The following PHACTR1 variants were observed in gnomAD, a reference collection of about 807,000 sequenced individuals.
PHACTR1 encodes phosphatase and actin regulator 1, also known as RPEL repeat containing 1.
Under a neutral mutation model 69.2 loss-of-function variants are expected in PHACTR1, and 16 were observed. That is an observed-to-expected ratio of 0.23 (90% confidence interval 0.16 to 0.35). The LOEUF is 0.35. Among genes scored for constraint, PHACTR1 ranks in the 10% least tolerant of loss-of-function variants. PHACTR1 has a pLI of 1.00. For missense variants in PHACTR1, 510 were observed against 734.7 expected (o/e 0.69, Z 3.54); for synonymous variants, 312 against 284.5 (o/e 1.10, Z -0.97).
In PHACTR1 at chr6:12,940,266, T is replaced by G. The variant is rs1329988405; in HGVS notation, c.251-113099T>G. Among the ~76,000 whole-genome samples, 3 of 152,208 alleles carry G rather than the reference T, an allele frequency of 2.0e-5. No individual in the cohort carries two copies. The East Asian group carries it at 5.8e-4, about 29-fold the overall frequency. ...ATTCCTATTGCAATTAAATAACTCA[T>G]GGTGTGGGATGGCATTGTGAAGTCT... is the stretch of plus-strand genomic sequence containing the variant. On this transcript the variant is annotated intron_variant, in intron 4 of 14. Transcript: ENST00000332995.
intron 10 of PHACTR1, chr6:13,272,141 C>T (rs1777867744): frequency 6.6e-6 from 1 of 152,332 alleles, no homozygotes; most frequent in African/African-American, 2.4e-5. Context: ...TGCAGGCATT[C>T]TCCCCTCAGA....
intron 4 of PHACTR1, among the ~76,000 whole-genome samples, chr6:12,893,000 A>AAG (rs1003322113): frequency 3.3e-5 from 5 of 152,050 alleles, no homozygotes; most frequent in South Asian, 4.1e-4. Flanking sequence ...CCAGAGAAGG[A>AAG]AGAGAGAGAG....
At chr6:12,826,194 C>G (rs567547743) in intron 4 of PHACTR1, among the ~76,000 whole-genome samples, 2 of 152,226 alleles carry the variant, frequency 1.3e-5, no homozygotes, top group East Asian at 3.9e-4. Flanking sequence ...CATTCATGTA[C>G]TTACCACTTT....
chr6:13,148,614 C>T (rs1434512048), intron 5 of PHACTR1, among the ~76,000 whole-genome samples: 3 of 152,110 alleles, frequency 2.0e-5, no homozygotes, highest in Non-Finnish European at 4.4e-5. Flanking sequence ...ACAGAGCTCC[C>T]ATAGGACCTG....
At position 13,158,529 on chromosome 6, in the gene PHACTR1, C is replaced by G. The variant is rs749794421; in HGVS notation, c.416-1675C>G. On this transcript the variant is annotated intron_variant, in intron 5 of 14. Transcript: ENST00000332995. ...TTTTTCTCCCTCATATCACTTAATT[C>G]ATTGTAATTTCAGAGAGGGAGCTAG... is the stretch of plus-strand genomic sequence containing the variant. 2.0e-5 allele frequency among the ~76,000 whole-genome samples: 3 copies of G among 152,194 alleles called. No individual in the cohort carries two copies. In the South Asian group the frequency reaches 6.2e-4, roughly 31 times the overall value.
intron 2 of PHACTR1, chr6:12,718,275 A>G (rs1761645421): frequency 6.6e-6 from 1 of 152,202 alleles, no homozygotes; most frequent in Non-Finnish European, 1.5e-5. Flanking sequence ...TTCCCAGGCA[A>G]TTTTCCCTGC....
At chr6:13,212,304 G>A (rs571455178) in intron 8 of PHACTR1, among the ~76,000 whole-genome samples, 133 of 152,218 alleles carry the variant, frequency 8.7e-4, no homozygotes, top group South Asian at 3.9e-3. Flanking sequence ...TGCTTCTGTC[G>A]CTGTCCAACT....
intron 5 of PHACTR1, among the ~76,000 whole-genome samples, chr6:13,148,257 A>G (rs1823748065): frequency 6.6e-6 from 1 of 150,940 alleles, no homozygotes; most frequent in Non-Finnish European, 1.5e-5. Context: ...TATATGCTAT[A>G]ATTGCATTGC....
intron 4 of PHACTR1, among the ~76,000 whole-genome samples, chr6:12,948,645 T>C (rs2127550481): frequency 6.6e-6 from 1 of 152,354 alleles, no homozygotes; most frequent in South Asian, 2.1e-4. Context: ...ATTTAAACCC[T>C]GACCCTGCCC....
chr6:12,828,213 A>G (rs1045116554), intron 4 of PHACTR1, among the ~76,000 whole-genome samples: 2 of 152,208 alleles, frequency 1.3e-5, no homozygotes, highest in Non-Finnish European at 1.5e-5. Context: ...TTCTCGGCTT[A>G]AAGTGGGACA....
At chr6:12,736,747 C>T (rs1342410467) in intron 3 of PHACTR1, among the ~76,000 whole-genome samples, 4 of 152,004 alleles carry the variant, frequency 2.6e-5, no homozygotes, top group Non-Finnish European at 5.9e-5. Flanking sequence ...TTTGCAAAAA[C>T]GATATAGTAC....
intron 4 of PHACTR1, among the ~76,000 whole-genome samples, chr6:12,794,443 T>A (rs1443493907): frequency 6.6e-6 from 1 of 152,136 alleles, no homozygotes; most frequent in African/African-American, 2.4e-5. Context: ...CCCAAACAGA[T>A]CACGAGCCTG....
At chr6:13,062,856 T>C (rs71562462) in intron 5 of PHACTR1, among the ~76,000 whole-genome samples, 2 of 152,202 alleles carry the variant, frequency 1.3e-5, no homozygotes, top group Non-Finnish European at 2.9e-5. Flanking sequence ...ATGTCCACCA[T>C]GAAGACTCTA....
intron 5 of PHACTR1, among the ~76,000 whole-genome samples, chr6:13,107,889 C>A (rs1816428845): frequency 6.6e-6 from 1 of 151,852 alleles, no homozygotes; most frequent in South Asian, 2.1e-4. Flanking sequence ...CATTTCCTTT[C>A]TTATTGATTT....
chr6:13,105,060 G>A (rs1293706179), intron 5 of PHACTR1, among the ~76,000 whole-genome samples: 1 of 152,174 alleles, frequency 6.6e-6, no homozygotes, highest in Non-Finnish European at 1.5e-5. Context: ...AAATGTGGCA[G>A]TAATTCTCAA....
intron 4 of PHACTR1, among the ~76,000 whole-genome samples, chr6:12,904,383 A>G (rs1034070712): frequency 1.3e-5 from 2 of 151,944 alleles, no homozygotes; most frequent in African/African-American, 4.8e-5. Flanking sequence ...AATACAAAAA[A>G]AATAGCCAGG....
intron 5 of PHACTR1, among the ~76,000 whole-genome samples, chr6:13,079,520 A>C (rs1811048880): frequency 6.6e-6 from 1 of 151,244 alleles, no homozygotes; most frequent in South Asian, 2.1e-4. Flanking sequence ...TTAATTTTTC[A>C]CTCCTCTCGC....
Position 12,849,470 on chromosome 6 carries a change from G to A in PHACTR1, c.250+99680G>A, listed in dbSNP as rs186622751. Reference sequence around the variant, plus strand: ...CGAACTCTTTGGAGACATGAATGATGGGTCTGATTGGAAGAGAAAAAATAG... The same window carrying A: ...CGAACTCTTTGGAGACATGAATGATAGGTCTGATTGGAAGAGAAAAAATAG... On this transcript the variant is annotated intron_variant, in intron 4 of 14. Transcript: ENST00000332995. Among the ~76,000 whole-genome samples the A allele has an allele frequency of 2.7e-4, 41 of 152,288 alleles. No individual in the cohort carries two copies. The East Asian group carries it at 5.2e-3, about 19-fold the overall frequency.
intron 4 of PHACTR1, among the ~76,000 whole-genome samples, chr6:12,811,014 C>T (rs1774954224): frequency 6.6e-6 from 1 of 152,158 alleles, no homozygotes; most frequent in Non-Finnish European, 1.5e-5. Context: ...GTTTCTTTGC[C>T]TCATGTGTAG....
Sources: allele counts gnomAD v4.1 joint callset (sites outside exome capture counted in the v4.1 genomes callset), GRCh38; gene constraint gnomAD v4.1.1; transcripts MANE v1.5; gene names NCBI Gene and HGNC (gene_info 2026-07-23, HGNC 2026-07-21).